Variants in MYO3A observed in about 807,000 individuals in gnomAD.
The protein encoded by MYO3A is myosin IIIA.
A neutral mutation model predicts 192.7 loss-of-function variants in MYO3A; 180 were observed. The ratio of observed to expected loss-of-function variants is 0.93; its 90% CI spans 0.83 to 1.06. The LOEUF (loss-of-function observed/expected upper bound fraction) is 1.06. Ranked by LOEUF, MYO3A falls within the 50% of genes least tolerant of loss-of-function variation. MYO3A has a pLI of 0.00. For missense variants in MYO3A, 1,896 were observed against 1,905.0 expected (o/e 1.00, Z 0.09); for synonymous variants, 628 against 645.3 (o/e 0.97, Z 0.41).
intron 1 of MYO3A, among the ~76,000 whole-genome samples, chr10:25,934,666 G>A (rs1006608275): frequency 6.6e-6 from 1 of 151,792 alleles, no homozygotes; most frequent in South Asian, 2.1e-4. Flanking sequence ...GTGAACTCGA[G>A]GGGGAGCCAG....
chr10:25,952,053 C>A, intron 2 of MYO3A, 41 bp from the exon 3 acceptor site: 1 of 1,472,216 alleles, frequency 6.8e-7, no homozygotes, highest in Non-Finnish European at 9.5e-7. Flanking sequence ...CATTTGATAT[C>A]CTCAATCAAC....
chr10:26,016,950 C>A (rs1472562608), intron 7 of MYO3A, 54 bp downstream of exon 7: 1 of 1,498,806 alleles, frequency 6.7e-7, no homozygotes, highest in Admixed American at 1.7e-5. Flanking sequence ...GTTTGACTTT[C>A]CTTTTTATGT....
At chr10:26,080,683 C>T (rs914801838) in intron 14 of MYO3A, among the ~76,000 whole-genome samples, 1 of 151,902 alleles carries the variant, frequency 6.6e-6, no homozygotes, top group African/African-American at 2.4e-5. Flanking sequence ...TGGGTAGGCT[C>T]TATCAGAGGG....
At chr10:26,090,540 G>A (rs1431999395) in intron 15 of MYO3A, among the ~76,000 whole-genome samples, 2 of 152,112 alleles carry the variant, frequency 1.3e-5, no homozygotes, top group Non-Finnish European at 2.9e-5. Context: ...GTTATAATTT[G>A]AGCACAGCTG....
Position 26,166,190 on chromosome 10 carries a change from A to G in MYO3A, c.3111+12A>G, listed in dbSNP as rs1281201954. On this transcript the variant is annotated intron_variant, in intron 27 of 34. Coordinates refer to ENST00000642920, the MANE Select transcript of MYO3A (RefSeq NM_017433.5). ...TTGGAAAAACAAAAGTAATGTTTTC[A>G]TGTAATTTTCAGGAAAATAAATAAT... is the stretch of plus-strand genomic sequence containing the variant. 6.3e-7 allele frequency: 1 copy of G among 1,575,710 alleles called. No individual in the cohort carries two copies. The highest frequency in any genetic ancestry group is 8.7e-7 in the Non-Finnish European group (1 of 1,145,650).
intron 30 of MYO3A, among the ~76,000 whole-genome samples, chr10:26,174,880 TA>T (rs35087824): frequency 1.9e-3 from 290 of 149,710 alleles, no homozygotes; most frequent in African/African-American, 6.6e-3. Flanking sequence ...TAATTAGAGC[TA>T]AAAAAAAAAG....
intron 14 of MYO3A, among the ~76,000 whole-genome samples, chr10:26,071,602 CAG>C (rs1207040255): frequency 2.0e-5 from 3 of 151,992 alleles, no homozygotes; most frequent in Non-Finnish European, 4.4e-5. Context: ...CCCACAGACT[CAG>C]AGAAAATATT....
At chr10:26,165,634 A>G (rs1841702241) in intron 26 of MYO3A, among the ~76,000 whole-genome samples, 1 of 152,162 alleles carries the variant, frequency 6.6e-6, no homozygotes, top group East Asian at 1.9e-4. Context: ...ACTGGAATTA[A>G]GCTCCATCAC....
chr10:26,174,574 A>G lies in MYO3A; in HGVS notation c.4293+17A>G. ...TCAAAACAGGTATGTGAATAAATAA[A>G]TTTATTTACTAATAAAAGTCCCTGG... On this transcript the variant is annotated intron_variant, in intron 30 of 34. Coordinates refer to ENST00000642920, the MANE Select transcript of MYO3A (RefSeq NM_017433.5). The G allele has an allele frequency of 6.3e-7, 1 of 1,596,530 alleles. No homozygotes were observed. The highest frequency in any genetic ancestry group is 8.6e-7 in the Non-Finnish European group (1 of 1,165,212).
At chr10:26,177,338 C>A (rs1842385662) in intron 31 of MYO3A, among the ~76,000 whole-genome samples, 1 of 152,130 alleles carries the variant, frequency 6.6e-6, no homozygotes, top group Non-Finnish European at 1.5e-5. Context: ...AATTTTCAGA[C>A]CTCCCTCTCC....
At chr10:26,085,837 G>T (rs1366777816) in intron 14 of MYO3A, among the ~76,000 whole-genome samples, 2 of 152,228 alleles carry the variant, frequency 1.3e-5, no homozygotes, top group Non-Finnish European at 2.9e-5. Context: ...CTTGCAGGGA[G>T]CTGTCCTTCC....
At chr10:26,005,755 G>A (rs532822475) in intron 6 of MYO3A, among the ~76,000 whole-genome samples, 13 of 152,044 alleles carry the variant, frequency 8.6e-5, no homozygotes, top group Non-Finnish European at 1.3e-4. Flanking sequence ...TTGAGAGCTA[G>A]TGCTTTATAG....
intron 17 of MYO3A, among the ~76,000 whole-genome samples, chr10:26,111,247 G>A (rs1237970000): frequency 1.3e-5 from 2 of 152,122 alleles, no homozygotes; most frequent in African/African-American, 4.8e-5. Flanking sequence ...CAGAAAGCAT[G>A]AGTTTCAGCC....
intron 9 of MYO3A, among the ~76,000 whole-genome samples, chr10:26,024,612 C>T (rs981198783): frequency 5.9e-5 from 9 of 152,132 alleles, no homozygotes; most frequent in African/African-American, 2.2e-4. Flanking sequence ...AATGGTCTTT[C>T]CTTTCCATAT....
At chr10:26,036,256 T>A (rs1018075862) in intron 10 of MYO3A, among the ~76,000 whole-genome samples, 2 of 145,170 alleles carry the variant, frequency 1.4e-5, no homozygotes, top group Non-Finnish European at 3.1e-5. Flanking sequence ...ACTATTTTTT[T>A]AATTAAATTA....
chr10:26,147,542 A>AC lies in MYO3A; in HGVS notation c.2621dup (p.Leu875SerfsTer6). 6.2e-7 allele frequency: 1 copy of AC among 1,613,926 alleles called. No individual in the cohort carries two copies. The highest frequency in any genetic ancestry group is 8.5e-7 in the Non-Finnish European group (1 of 1,179,930). On this transcript the variant is annotated frameshift_variant, in exon 23 of 35. Coordinates refer to ENST00000642920, the MANE Select transcript of MYO3A (RefSeq NM_017433.5). LOFTEE classifies it high-confidence loss of function. Reference sequence around the variant, plus strand: ...AGTGTAATTAGGCAACTAGTCAACCACCCTCTGACCAAAACAGGTAAGACA... The same window carrying AC: ...AGTGTAATTAGGCAACTAGTCAACCACCCCTCTGACCAAAACAGGTAAGACA...
chr10:26,160,705 T>C (rs533750315), intron 26 of MYO3A, among the ~76,000 whole-genome samples: 2 of 152,106 alleles, frequency 1.3e-5, no homozygotes, highest in Admixed American at 6.5e-5. Context: ...TGAAGGAGGG[T>C]ACGGCTTATG....
At chr10:26,096,740 T>TTAAG (rs1837066418) in intron 17 of MYO3A, 58 bp downstream of exon 17, 1 of 1,180,938 alleles carries the variant, frequency 8.5e-7, no homozygotes, top group Admixed American at 1.7e-5. Context: ...ATCACTAATG[T>TTAAG]TAAGAGCATT....
intron 34 of MYO3A, among the ~76,000 whole-genome samples, chr10:26,205,416 C>T (rs1843867170): frequency 6.7e-6 from 1 of 149,492 alleles, no homozygotes. Context: ...AGTCCCGTGA[C>T]CAGTGCCCTG....
Sources: allele counts gnomAD v4.1 joint callset (sites outside exome capture counted in the v4.1 genomes callset), GRCh38; gene constraint gnomAD v4.1.1; transcripts MANE v1.5; gene names NCBI Gene and HGNC (gene_info 2026-07-23, HGNC 2026-07-21).